Variants in PPFIA2 observed in about 807,000 individuals in gnomAD.
PPFIA2 encodes liprin-alpha-2.
Under a neutral mutation model 175.5 loss-of-function variants are expected in PPFIA2, and 46 were observed. The observed-to-expected ratio is 0.26, with a 90% CI of 0.21 to 0.34. The LOEUF is 0.34. Ranked by LOEUF, PPFIA2 falls within the 10% of genes least tolerant of loss-of-function variation. The pLI, the probability that PPFIA2 is intolerant of heterozygous loss-of-function variation, is 1.00. For synonymous variants in PPFIA2, 568 were observed against 511.4 expected (o/e 1.11, Z -1.49); for missense variants, 1,179 against 1,506.1 (o/e 0.78, Z 3.60).
intron 4 of PPFIA2, among the ~76,000 whole-genome samples, chr12:81,621,873 G>A (rs935702481): frequency 6.6e-6 from 1 of 152,112 alleles, no homozygotes; most frequent in African/African-American, 2.4e-5. Context: ...TATTACCTAG[G>A]ATTTCAGTGG....
At chr12:81,710,578 G>A (rs2077764014) in intron 3 of PPFIA2, among the ~76,000 whole-genome samples, 2 of 152,004 alleles carry the variant, frequency 1.3e-5, no homozygotes, top group African/African-American at 4.8e-5. Flanking sequence ...GTTTCAGATT[G>A]AGTATTTTTT....
chr12:81,612,895 C>T (rs906901973), intron 4 of PPFIA2, among the ~76,000 whole-genome samples: 17 of 152,034 alleles, frequency 1.1e-4, no homozygotes, highest in Admixed American at 6.6e-5. Context: ...TATTTTATTT[C>T]TTCTTATTTG....
intron 21 of PPFIA2, among the ~76,000 whole-genome samples, chr12:81,327,582 T>A (rs2139870494): frequency 6.6e-6 from 1 of 152,206 alleles, no homozygotes; most frequent in Middle Eastern, 3.4e-3. Context: ...TCTTGAATGG[T>A]CCATATAGGG....
chr12:81,702,339 T>C (rs2076597781), intron 3 of PPFIA2, among the ~76,000 whole-genome samples: 1 of 152,174 alleles, frequency 6.6e-6, no homozygotes, highest in Admixed American at 6.5e-5. Flanking sequence ...CTATTGCCAT[T>C]GACTGCCAAA....
At chr12:81,636,263 A>ATTTTT (rs147916617) in intron 4 of PPFIA2, among the ~76,000 whole-genome samples, 9 of 117,354 alleles carry the variant, frequency 7.7e-5, no homozygotes, top group Admixed American at 2.7e-4. Flanking sequence ...TAACTCTCTG[A>ATTTTT]TTTTTTTTTT....
At chr12:81,606,964 T>C (rs1319921031) in intron 4 of PPFIA2, among the ~76,000 whole-genome samples, 1 of 152,140 alleles carries the variant, frequency 6.6e-6, no homozygotes, top group African/African-American at 2.4e-5. Flanking sequence ...TTTAAACCTT[T>C]AATCCATCTC....
intron 4 of PPFIA2, among the ~76,000 whole-genome samples, chr12:81,649,868 A>G (rs1255955508): frequency 1.3e-5 from 2 of 152,188 alleles, no homozygotes; most frequent in Non-Finnish European, 1.5e-5. Context: ...AATGGTTGAT[A>G]TGGTATTAGT....
intron 6 of PPFIA2, among the ~76,000 whole-genome samples, 198 bp downstream of exon 6, chr12:81,445,358 A>T (rs1346887838): frequency 1.3e-5 from 2 of 152,122 alleles, no homozygotes; most frequent in Non-Finnish European, 2.9e-5. Context: ...GTGGTTTAGA[A>T]AAAGAAGATG....
At chr12:81,663,658 TG>T (rs1316853491) in intron 4 of PPFIA2, among the ~76,000 whole-genome samples, 1 of 152,158 alleles carries the variant, frequency 6.6e-6, no homozygotes, top group African/African-American at 2.4e-5. Context: ...AAGCTACCAA[TG>T]ACTTTCTTCA....
chr12:81,504,297 C>T (rs566311692), intron 4 of PPFIA2, among the ~76,000 whole-genome samples: 9 of 151,942 alleles, frequency 5.9e-5, no homozygotes, highest in South Asian at 2.1e-4. Context: ...AACAAATTTA[C>T]GAGAAAAATC....
At chr12:81,305,643 A>G (rs1220679780) in intron 22 of PPFIA2, among the ~76,000 whole-genome samples, 1 of 152,076 alleles carries the variant, frequency 6.6e-6, no homozygotes, top group Admixed American at 6.6e-5. Flanking sequence ...CCCTTGAGTG[A>G]TGCCACTCAT....
Position 81,555,718 on chromosome 12 carries a change from A to G in PPFIA2, c.304-97852T>C, listed in dbSNP as rs116792186. Among the ~76,000 whole-genome samples, 152 of 152,130 alleles carry G rather than the reference A, an allele frequency of 1.0e-3. 2 individuals carry two copies. Among genetic ancestry groups the G allele is most frequent in the African/African-American group, 3.6e-3 (148 of 41,558 alleles). On this transcript the variant is annotated intron_variant, in intron 4 of 32. Transcript: ENST00000549396. ...CAAATCTGTAAGTCAGTAAATTAAT[A>G]GAGTTGAGATTTTTAAAACATCTAG...
intron 24 of PPFIA2, chr12:81,292,675 A>G (rs2045358421): frequency 6.6e-6 from 1 of 152,116 alleles, no homozygotes; most frequent in Admixed American, 6.6e-5. Flanking sequence ...GCTTCCAGTC[A>G]ACAGTAGGCT....
chr12:81,503,098 C>T (rs2060765203), intron 4 of PPFIA2, among the ~76,000 whole-genome samples: 1 of 152,132 alleles, frequency 6.6e-6, no homozygotes, highest in Non-Finnish European at 1.5e-5. Flanking sequence ...TCCCACTTCC[C>T]ATAAATAACA....
intron 7 of PPFIA2, chr12:81,424,761 A>G (rs1380652454): frequency 6.6e-6 from 1 of 152,146 alleles, no homozygotes; most frequent in African/African-American, 2.4e-5. Flanking sequence ...TTATATGTTT[A>G]TTAGCTCCCT....
At chr12:81,577,661 A>G (rs2073789550) in intron 4 of PPFIA2, among the ~76,000 whole-genome samples, 1 of 151,874 alleles carries the variant, frequency 6.6e-6, no homozygotes, top group Non-Finnish European at 1.5e-5. Flanking sequence ...TATTTAGGTA[A>G]AGTGAGGTGC....
intron 3 of PPFIA2, among the ~76,000 whole-genome samples, chr12:81,751,291 T>TGAA (rs545620897): frequency 6.6e-6 from 1 of 152,108 alleles, no homozygotes; most frequent in Non-Finnish European, 1.5e-5. Flanking sequence ...TATAGGCTCA[T>TGAA]AATCCCTAAT....
At chr12:81,475,524 C>A (rs895286822) in intron 4 of PPFIA2, among the ~76,000 whole-genome samples, 53 of 152,244 alleles carry the variant, frequency 3.5e-4, no homozygotes, top group African/African-American at 1.2e-3. Context: ...CACAAGGAAA[C>A]ATAGTTCTTC....
chr12:81,742,356 C>T (rs747797872), intron 3 of PPFIA2, among the ~76,000 whole-genome samples: 3 of 152,056 alleles, frequency 2.0e-5, no homozygotes, highest in South Asian at 2.1e-4. Flanking sequence ...TCATCTGATT[C>T]GGGTAAGAGA....
Sources: allele counts gnomAD v4.1 joint callset (sites outside exome capture counted in the v4.1 genomes callset), GRCh38; gene constraint gnomAD v4.1.1; transcripts MANE v1.5; gene names NCBI Gene and HGNC (gene_info 2026-07-23, HGNC 2026-07-21).